Variants in ZNF317 observed in about 807,000 individuals in gnomAD.
ZNF317 encodes the protein zinc finger protein 317, also known as KRAB-containing zinc finger protein 317.
Under a neutral mutation model 23.4 loss-of-function variants are expected in ZNF317, and 17 were observed. The ratio of observed to expected loss-of-function variants is 0.73; its 90% CI spans 0.50 to 1.09. The LOEUF (loss-of-function observed/expected upper bound fraction) is 1.09, where lower values mean the gene tolerates loss of function less well. ZNF317 is among the 50% of genes least tolerant of loss of function. The pLI is 0.00. For synonymous variants in ZNF317, 317 were observed against 314.9 expected, an observed-to-expected ratio of 1.01 and a Z score of -0.07; for missense variants, 679 against 796.7, an observed-to-expected ratio of 0.85 and a Z score of 1.78.
In ZNF317 at chr19:9,158,817, T is replaced by C. The variant is rs748097163; in HGVS notation, c.386-9T>C. 3.2e-6 allele frequency: 5 copies of C among 1,580,980 alleles called. No individual in the cohort carries two copies. The African/African-American group carries it at 6.7e-5, about 21-fold the overall frequency. On this transcript the variant is annotated splice_polypyrimidine_tract_variant and intron_variant, in intron 5 of 6. Coordinates refer to ENST00000247956, the MANE Select transcript of ZNF317 (RefSeq NM_020933.5). ...TTCCAACAATTAATACTTTTCCAAT[T>C]TGTTTCAGATTGGGAGACTCCATCT...
In ZNF317 at chr19:9,160,205, G is replaced by A. The variant is rs1469623441; in HGVS notation, c.560G>A (p.Arg187Lys). Residue 187 changes from arginine (R) to lysine (K), a missense_variant, in exon 7 of 7, where the codon AGG becomes AAG. Physicochemically the swap from Arg to Lys is conservative, Grantham distance 26. Transcript: ENST00000247956. This position sits in a 1 kb window ranked among gnomAD's most constrained non-coding sequence, Gnocchi z 6.8. The stretch of plus-strand genomic sequence containing the variant: ...CCTCATCTCACTCAGCCAATGGGAA[G>A]GCACGCTGGCAAGAGGCCCTATCAC... Reference protein sequence around the residue: ...MDPHLTQPMGRHAGKRPYHRR... With the variant: ...MDPHLTQPMGKHAGKRPYHRR... The A allele has an allele frequency of 1.2e-6, 2 of 1,614,026 alleles. No individual in the cohort carries two copies. Among genetic ancestry groups the A allele is most frequent in the Non-Finnish European group, 1.7e-6 (2 of 1,180,034 alleles).
At chr19:9,153,143 G>GTTTT (rs557129618) in intron 1 of ZNF317, among the ~76,000 whole-genome samples, 1,771 of 139,266 alleles carry the variant, frequency 0.013, 36 homozygotes, top group African/African-American at 0.045. Context: ...TGTCAAGGTA[G>GTTTT]TTGTTTTTGT....
intron 3 of ZNF317, 180 bp downstream of exon 3, chr19:9,156,928 ATG>A: frequency 1.3e-6 from 1 of 783,892 alleles, no homozygotes; most frequent in Admixed American, 3.0e-5. Context: ...GAAGTGATTT[ATG>A]TAGCATCTGT....
intron 1 of ZNF317, among the ~76,000 whole-genome samples, chr19:9,148,368 G>A (rs530806727): frequency 1.2e-3 from 187 of 152,336 alleles, no homozygotes; most frequent in African/African-American, 4.5e-3. Context: ...CTGAATTGAT[G>A]TGGGTGCGCT....
At chr19:9,143,092 G>T (rs2050648900) in intron 1 of ZNF317, among the ~76,000 whole-genome samples, 1 of 151,994 alleles carries the variant, frequency 6.6e-6, no homozygotes, top group South Asian at 2.1e-4. Flanking sequence ...GGGCATTCAG[G>T]TTTTCTGTGT....
intron 1 of ZNF317, among the ~76,000 whole-genome samples, chr19:9,153,087 T>G (rs911797459): frequency 6.6e-6 from 1 of 152,254 alleles, no homozygotes; most frequent in Non-Finnish European, 1.5e-5. Context: ...CATTTGTCTC[T>G]GCTTTAATCT....
intron 1 of ZNF317, among the ~76,000 whole-genome samples, chr19:9,145,231 G>A (rs2050672622): frequency 6.6e-6 from 1 of 152,170 alleles, no homozygotes; most frequent in Non-Finnish European, 1.5e-5. Flanking sequence ...TTTTAGTAAA[G>A]ACAAGGTTTC....
At position 9,163,341 on chromosome 19, in the gene ZNF317, G is replaced by A. The variant is rs946400966; in HGVS notation, c.*1908G>A. On this transcript the variant is annotated 3_prime_UTR_variant, in exon 7 of 7. Coordinates refer to ENST00000247956, the MANE Select transcript of ZNF317 (RefSeq NM_020933.5). Reference sequence around the variant, plus strand: ...GGCCTCCCCTGTGGCCTCTTTGAGTGTCTGCAGCAGCCCTGGACTTCCAGA... The same window carrying A: ...GGCCTCCCCTGTGGCCTCTTTGAGTATCTGCAGCAGCCCTGGACTTCCAGA... 1 of 152,214 alleles carries A rather than the reference G, an allele frequency of 6.6e-6. No homozygotes were observed. The highest frequency in any genetic ancestry group is 2.4e-5 in the African/African-American group (1 of 41,444). 9.4% of individuals were successfully genotyped at this position (152,214 alleles called of 1,614,324 possible). A position where few individuals can be genotyped will look rare whatever the true frequency, so the allele number is the denominator to read the frequency against.
intron 1 of ZNF317, among the ~76,000 whole-genome samples, chr19:9,142,354 T>C (rs1405051388): frequency 6.6e-6 from 1 of 152,150 alleles, no homozygotes; most frequent in African/African-American, 2.4e-5. Flanking sequence ...GGGTGGGGAC[T>C]TCCCTTGTCA....
chr19:9,155,339 TGGA>T (rs60715096), intron 1 of ZNF317, among the ~76,000 whole-genome samples: 1,986 of 152,074 alleles, frequency 0.013, 52 homozygotes, highest in African/African-American at 0.046. Context: ...ATTCAGTGAG[TGGA>T]GGAGGTGGCA....
rs959361427 is a variant in ZNF317 at position 9,151,436 on chromosome 19, A to G, written c.-92-4489A>G. Among the ~76,000 whole-genome samples, 26 of 152,306 alleles carry G rather than the reference A, an allele frequency of 1.7e-4. 1 individual carries two copies. Among genetic ancestry groups the G allele is most frequent in the Admixed American group, 1.1e-3 (17 of 15,292 alleles). ...TGAAAAAGATTGTTATAACCCTGGT[A>G]ATGTTTAAAAGTGGTAATATTGATT... is the stretch of plus-strand genomic sequence containing the variant. On this transcript the variant is annotated intron_variant, in intron 1 of 6. Transcript: ENST00000247956.
At chr19:9,146,563 G>T (rs1268573169) in intron 1 of ZNF317, among the ~76,000 whole-genome samples, 1 of 151,764 alleles carries the variant, frequency 6.6e-6, no homozygotes, top group Non-Finnish European at 1.5e-5. Context: ...AAGTAACTGG[G>T]ACTACAGGCA....
rs1178959466 is a variant in ZNF317, at chr19:9,161,434, G to C, written c.*1G>C. On this transcript the variant is annotated 3_prime_UTR_variant, in exon 7 of 7. Coordinates refer to ENST00000247956, the MANE Select transcript of ZNF317 (RefSeq NM_020933.5). The surrounding 1 kb of genome is among the most constrained non-coding windows in gnomAD (Gnocchi z 4.0). Reference sequence around the variant, plus strand: ...ATCCGTGTGGAAAAGGCTCCAGTGAGCGCGCCTGCTTTAGAGACACAGGAT... The same window carrying C: ...ATCCGTGTGGAAAAGGCTCCAGTGACCGCGCCTGCTTTAGAGACACAGGAT... 1 of 1,607,478 alleles carries C rather than the reference G, an allele frequency of 6.2e-7. No homozygotes were observed. Among genetic ancestry groups the C allele is most frequent in the Non-Finnish European group, 8.5e-7 (1 of 1,175,588 alleles).
Position 9,161,236 on chromosome 19 carries a change from G to A in ZNF317, c.1591G>A (p.Glu531Lys), listed in dbSNP as rs765101807. ...MRSHTGEKPYECDHCGKAFSI... is the reference protein window; with the variant it reads ...MRSHTGEKPYKCDHCGKAFSI... ...AAGCCACACGGGGGAGAAACCGTAC[G>A]AATGCGATCACTGTGGGAAGGCCTT... The change falls in exon 7 of 7, where the codon GAA becomes AAA. Residue 531 changes from glutamate to lysine, a missense_variant. Coordinates refer to ENST00000247956, the MANE Select transcript of ZNF317 (RefSeq NM_020933.5). The surrounding 1 kb of genome is among the most constrained non-coding windows in gnomAD (Gnocchi z 4.0). The A allele has an allele frequency of 1.2e-6, 2 of 1,614,200 alleles. No individual in the cohort carries two copies. The highest frequency in any genetic ancestry group is 1.7e-5 in the Admixed American group (1 of 60,032).
intron 1 of ZNF317, among the ~76,000 whole-genome samples, chr19:9,154,655 A>C (rs2116861): frequency 6.6e-6 from 1 of 152,196 alleles, no homozygotes; most frequent in East Asian, 1.9e-4. Flanking sequence ...GTATTTGGCT[A>C]TTAGGAATCA....
At chr19:9,157,700 T>TAA in intron 4 of ZNF317, 1 of 557,654 alleles carries the variant, frequency 1.8e-6, no homozygotes, top group Non-Finnish European at 2.4e-6. Flanking sequence ...TTTTTTTTTT[T>TAA]TTATTTTTGG....
At position 9,157,317 on chromosome 19, in the gene ZNF317, G is replaced by T. The variant is rs1336929496; in HGVS notation, c.212G>T (p.Trp71Leu). The change falls in exon 4 of 7, where the codon TGG becomes TTG. Residue 71 changes from tryptophan (W) to leucine (L), a missense_variant. Transcript: ENST00000247956. ...DVAVDFTEKE[W>L]PLLDSSQRKL... ...GCTGTGGACTTTACCGAGAAGGAGT[G>T]GCCCTTGCTGGATTCTTCTCAGAGA... 6.2e-7 allele frequency: 1 copy of T among 1,614,092 alleles called. No individual in the cohort carries two copies. Among genetic ancestry groups the T allele is most frequent in the Non-Finnish European group, 8.5e-7 (1 of 1,180,006 alleles).
chr19:9,157,356 A>G lies in ZNF317; in HGVS notation c.251A>G (p.Asp84Gly). 6.2e-7 allele frequency: 1 copy of G among 1,614,056 alleles called. No individual in the cohort carries two copies. Among genetic ancestry groups the G allele is most frequent in the Non-Finnish European group, 8.5e-7 (1 of 1,180,006 alleles). The stretch of plus-strand genomic sequence containing the variant: ...TCTTCTCAGAGAAAACTGTACAAAG[A>G]TGTAATGCTGGAGAACTACAGCAAC... ...LDSSQRKLYK[D>G]VMLENYSNLT... Residue 84 changes from aspartate (D) to glycine (G), a missense_variant, in exon 4 of 7, where the codon GAT becomes GGT. Coordinates refer to ENST00000247956, the MANE Select transcript of ZNF317 (RefSeq NM_020933.5).
intron 4 of ZNF317, 21 bp downstream of exon 4, chr19:9,157,415 C>T (rs1336227108): frequency 6.2e-7 from 1 of 1,613,368 alleles, no homozygotes; most frequent in Admixed American, 1.7e-5. Flanking sequence ...TGCCATTTCT[C>T]CACTTATTCA....
Sources: allele counts gnomAD v4.1 joint callset (sites outside exome capture counted in the v4.1 genomes callset), GRCh38; gene constraint gnomAD v4.1.1; non-coding constraint Gnocchi (gnomAD v3.1); transcripts MANE v1.5; gene names NCBI Gene and HGNC (gene_info 2026-07-23, HGNC 2026-07-21).